UNC5D: variants seen among roughly 807,000 people sequenced by gnomAD.
The protein encoded by UNC5D is netrin receptor UNC5D.
A neutral mutation model predicts 105.4 loss-of-function variants in UNC5D; 39 were observed. The ratio of observed to expected loss-of-function variants is 0.37; its 90% confidence interval spans 0.29 to 0.48. UNC5D has a LOEUF of 0.48. Ranked by LOEUF, UNC5D falls within the 20% of genes least tolerant of loss-of-function variation. UNC5D has a pLI of 0.98. For missense variants in UNC5D, 991 were observed against 1,202.4 expected, an observed-to-expected ratio of 0.82 and a Z score of 2.60; for synonymous variants, 452 against 450.4, an observed-to-expected ratio of 1.00 and a Z score of -0.04.
chr8:35,497,747 G>C (rs1811696363), intron 1 of UNC5D, among the ~76,000 whole-genome samples: 1 of 151,910 alleles, frequency 6.6e-6, no homozygotes, highest in African/African-American at 2.4e-5. Context: ...AAATTGGAAG[G>C]AAACCGAGAA....
intron 2 of UNC5D, among the ~76,000 whole-genome samples, chr8:35,553,253 T>G (rs1816297528): frequency 6.6e-6 from 1 of 152,092 alleles, no homozygotes; most frequent in Non-Finnish European, 1.5e-5. Flanking sequence ...TGCTTCCCCC[T>G]TTTAATTCCC....
intron 16 of UNC5D, among the ~76,000 whole-genome samples, chr8:35,781,983 G>A (rs966957484): frequency 6.6e-6 from 1 of 152,180 alleles, no homozygotes; most frequent in Non-Finnish European, 1.5e-5. Flanking sequence ...TTAGAACAAG[G>A]CAGACTGGAA....
intron 7 of UNC5D, among the ~76,000 whole-genome samples, chr8:35,701,951 C>T (rs928305232): frequency 1.3e-5 from 2 of 149,356 alleles, no homozygotes; most frequent in Admixed American, 1.3e-4. Flanking sequence ...GCACAACTAC[C>T]TAGTAACTGT....
At chr8:35,650,257 ACTTGTTGTGAGC>A (rs1823322870) in intron 4 of UNC5D, among the ~76,000 whole-genome samples, 1 of 152,122 alleles carries the variant, frequency 6.6e-6, no homozygotes, top group African/African-American at 2.4e-5. Flanking sequence ...TCCGTCGTTG[ACTTGTTGTGAGC>A]CTTGTTGATG....
At chr8:35,556,053 C>T (rs1816527201) in intron 2 of UNC5D, among the ~76,000 whole-genome samples, 1 of 152,046 alleles carries the variant, frequency 6.6e-6, no homozygotes, top group Non-Finnish European at 1.5e-5. Context: ...CTTCCTTTCT[C>T]CTTGGTTCCT....
intron 4 of UNC5D, among the ~76,000 whole-genome samples, chr8:35,620,939 G>C (rs1322449494): frequency 6.6e-6 from 1 of 152,146 alleles, no homozygotes; most frequent in Non-Finnish European, 1.5e-5. Flanking sequence ...AGGATTCTCA[G>C]CCTTAACACT....
At chr8:35,478,674 T>C (rs1810274184) in intron 1 of UNC5D, among the ~76,000 whole-genome samples, 1 of 152,176 alleles carries the variant, frequency 6.6e-6, no homozygotes, top group South Asian at 2.1e-4. Context: ...TTGGGTTTTA[T>C]TTTAAATGCT....
intron 1 of UNC5D, among the ~76,000 whole-genome samples, chr8:35,467,473 T>A (rs889999483): frequency 1.3e-5 from 2 of 151,534 alleles, no homozygotes; most frequent in African/African-American, 2.4e-5. Context: ...GTACATGAGG[T>A]TTTTGGATTC....
intron 4 of UNC5D, among the ~76,000 whole-genome samples, chr8:35,602,936 A>G (rs1025236503): frequency 6.1e-5 from 8 of 132,078 alleles, no homozygotes; most frequent in Admixed American, 5.8e-4. Context: ...ATTTGTGCTC[A>G]TTGTTCAGTT....
At chr8:35,452,217 G>A (rs1020495050) in intron 1 of UNC5D, among the ~76,000 whole-genome samples, 1 of 152,066 alleles carries the variant, frequency 6.6e-6, no homozygotes, top group Non-Finnish European at 1.5e-5. Context: ...CAGTGAGTTT[G>A]TACACGTGTA....
chr8:35,391,958 C>G (rs1177973578), intron 1 of UNC5D, among the ~76,000 whole-genome samples: 1 of 152,158 alleles, frequency 6.6e-6, no homozygotes, highest in African/African-American at 2.4e-5. Context: ...ATAGTGGACT[C>G]AATTCTCAAT....
At chr8:35,344,619 C>A (rs1401115836) in intron 1 of UNC5D, among the ~76,000 whole-genome samples, 2 of 151,460 alleles carry the variant, frequency 1.3e-5, no homozygotes, top group African/African-American at 4.9e-5. Context: ...CAACAATTTT[C>A]TAAATCAAAG....
At chr8:35,460,759 T>C (rs1430093839) in intron 1 of UNC5D, among the ~76,000 whole-genome samples, 2 of 152,210 alleles carry the variant, frequency 1.3e-5, no homozygotes, top group Non-Finnish European at 2.9e-5. Flanking sequence ...TTTTTGTTTG[T>C]TTGTTTGTTT....
At chr8:35,552,457 G>T (rs922092698) in intron 2 of UNC5D, among the ~76,000 whole-genome samples, 1 of 152,166 alleles carries the variant, frequency 6.6e-6, no homozygotes, top group African/African-American at 2.4e-5. Flanking sequence ...TTTCCATTAT[G>T]AATCTATTTA....
At chr8:35,788,474 CT>C (rs1802853541) in intron 16 of UNC5D, among the ~76,000 whole-genome samples, 1 of 152,092 alleles carries the variant, frequency 6.6e-6, no homozygotes, top group Non-Finnish European at 1.5e-5. Flanking sequence ...TTGTCTTTGT[CT>C]TCGTCATAGA....
At chr8:35,706,056 A>G (rs1312337724) in intron 8 of UNC5D, 95 bp downstream of exon 8, 19 of 842,154 alleles carry the variant, frequency 2.3e-5, no homozygotes, top group East Asian at 6.6e-5. Context: ...TGAAGTTCCT[A>G]TGAAAGATCC....
intron 1 of UNC5D, among the ~76,000 whole-genome samples, chr8:35,334,989 T>A (rs555802907): frequency 2.9e-4 from 44 of 152,352 alleles, no homozygotes; most frequent in Admixed American, 5.2e-4. Context: ...ATCTGCTTTG[T>A]ATTGCTATAG....
intron 1 of UNC5D, among the ~76,000 whole-genome samples, chr8:35,388,986 G>T (rs1272574761): frequency 1.3e-5 from 2 of 152,152 alleles, no homozygotes; most frequent in Non-Finnish European, 2.9e-5. Context: ...CATTGACGGT[G>T]TTCATTGTCA....
chr8:35,652,287 G>C (rs1007516456), intron 4 of UNC5D, among the ~76,000 whole-genome samples: 1 of 152,022 alleles, frequency 6.6e-6, no homozygotes, highest in Admixed American at 6.6e-5. Flanking sequence ...AACATTAATT[G>C]CTTTTCAAAG....
Sources: gnomAD v4.1 joint callset for allele counts (sites outside exome capture counted in the v4.1 genomes callset) on GRCh38, gnomAD v4.1.1 for gene constraint, MANE v1.5 for transcripts, NCBI Gene and HGNC (gene_info 2026-07-23, HGNC 2026-07-21) for gene names.